CSMD1: variants seen among roughly 807,000 people sequenced by gnomAD.
CSMD1 encodes CUB and sushi domain-containing protein 1.
Under a neutral mutation model 417.5 loss-of-function variants are expected in CSMD1, and 213 were observed. The observed-to-expected ratio is 0.51, with a 90% CI of 0.46 to 0.57. The LOEUF is 0.57. Ranked by LOEUF, CSMD1 falls within the 20% of genes least tolerant of loss-of-function variation. The probability of loss-of-function intolerance (pLI) is 0.00; values close to 1 mark genes in which losing one functional copy is unlikely to be tolerated. For synonymous variants in CSMD1, 2,862 were observed against 1,736.8 expected, an observed-to-expected ratio of 1.65 and a Z score of -16.11; for missense variants, 6,923 against 4,529.7, an observed-to-expected ratio of 1.53 and a Z score of -15.17.
At chr8:4,454,390 G>A (rs745931348) in intron 2 of CSMD1, among the ~76,000 whole-genome samples, 1 of 152,088 alleles carries the variant, frequency 6.6e-6, no homozygotes, top group Non-Finnish European at 1.5e-5. Context: ...TTCAAAATTT[G>A]GCTCTGGTAT....
intron 3 of CSMD1, among the ~76,000 whole-genome samples, chr8:4,313,146 G>T (rs965422914): frequency 2.0e-5 from 3 of 152,120 alleles, no homozygotes; most frequent in African/African-American, 7.2e-5. Context: ...GAGCAAGCTG[G>T]AACTGGTCTT....
chr8:3,292,868 T>C (rs1434820896), intron 25 of CSMD1, among the ~76,000 whole-genome samples: 1 of 152,098 alleles, frequency 6.6e-6, no homozygotes, highest in African/African-American at 2.4e-5. Flanking sequence ...ATCCTGTCAT[T>C]ATGATGTTAG....
chr8:3,978,996 T>G (rs974359599), intron 5 of CSMD1, among the ~76,000 whole-genome samples: 1 of 152,176 alleles, frequency 6.6e-6, no homozygotes, highest in Non-Finnish European at 1.5e-5. Flanking sequence ...TTACAACAAT[T>G]GGAAAATCAG....
At chr8:3,315,553 C>T (rs779733759) in intron 23 of CSMD1, among the ~76,000 whole-genome samples, 2 of 151,888 alleles carry the variant, frequency 1.3e-5, no homozygotes, top group East Asian at 3.9e-4. Flanking sequence ...CTACTATTTT[C>T]ATTTAATTCA....
chr8:3,577,721 C>G (rs1298679156), intron 9 of CSMD1, among the ~76,000 whole-genome samples: 1 of 152,180 alleles, frequency 6.6e-6, no homozygotes, highest in Non-Finnish European at 1.5e-5. Flanking sequence ...AAAGCTTGTG[C>G]TACTTTCTCA....
chr8:4,908,849 T>A (rs529979665), intron 1 of CSMD1, among the ~76,000 whole-genome samples: 2 of 152,196 alleles, frequency 1.3e-5, no homozygotes, highest in Non-Finnish European at 2.9e-5. Flanking sequence ...CATACTCACT[T>A]AAAATATCTG....
At chr8:3,770,856 G>T (rs1002738359) in intron 5 of CSMD1, among the ~76,000 whole-genome samples, 2 of 152,142 alleles carry the variant, frequency 1.3e-5, no homozygotes, top group Non-Finnish European at 2.9e-5. Context: ...AAAAACAAAT[G>T]GTCCTGTAGC....
chr8:3,819,383 G>C (rs1056813571), intron 5 of CSMD1, among the ~76,000 whole-genome samples: 1 of 152,026 alleles, frequency 6.6e-6, no homozygotes, highest in Non-Finnish European at 1.5e-5. Flanking sequence ...TCTTTGTTTT[G>C]CTCCAGAAAG....
At chr8:3,805,929 T>G (rs1800710320) in intron 5 of CSMD1, among the ~76,000 whole-genome samples, 1 of 152,180 alleles carries the variant, frequency 6.6e-6, no homozygotes, top group Admixed American at 6.6e-5. Flanking sequence ...CAGAAAGCAC[T>G]GACACACCTG....
intron 3 of CSMD1, among the ~76,000 whole-genome samples, chr8:4,154,898 A>T (rs1253995193): frequency 6.6e-6 from 1 of 152,188 alleles, no homozygotes; most frequent in Non-Finnish European, 1.5e-5. Context: ...TATTTGTTGA[A>T]GTGATACATT....
In CSMD1 at chr8:4,582,906, T is replaced by G. The variant is rs563059421; in HGVS notation, c.302+54436A>C. On this transcript the variant is annotated intron_variant, in intron 2 of 69. Transcript: ENST00000635120. ...AGTTCCGGGTGGGCGTGGGCTTGGC[T>G]GGCCCCACACTCGGAGCAGCTGGCC... Among the ~76,000 whole-genome samples the G allele has an allele frequency of 7.2e-5, 11 of 152,300 alleles. No homozygotes were observed. The East Asian group carries it at 2.1e-3, about 30-fold the overall frequency.
intron 7 of CSMD1, among the ~76,000 whole-genome samples, chr8:3,633,759 A>G (rs984998962): frequency 6.6e-6 from 1 of 152,212 alleles, no homozygotes; most frequent in Non-Finnish European, 1.5e-5. Flanking sequence ...CAGCAACCCC[A>G]TAGGCATTGC....
intron 8 of CSMD1, among the ~76,000 whole-genome samples, chr8:3,598,849 G>A (rs930696683): frequency 5.3e-5 from 8 of 152,196 alleles, no homozygotes; most frequent in African/African-American, 9.6e-5. Context: ...TTGGGAGGCC[G>A]ACACAGGTGG....
In CSMD1 at chr8:3,003,851, C is replaced by T. The variant is rs150052423; in HGVS notation, c.8030-3720G>A. 4.9e-3 allele frequency among the ~76,000 whole-genome samples: 751 copies of T among 152,186 alleles called. 3 individuals carry two copies. Among genetic ancestry groups the T allele is most frequent in the African/African-American group, 0.017 (702 of 41,518 alleles). ...AAAGGTGATGGCAAGACATTCTAGCCACAGAAATTAGAAATGTTATATATT... is the reference window on the plus strand; with the variant it reads ...AAAGGTGATGGCAAGACATTCTAGCTACAGAAATTAGAAATGTTATATATT... On this transcript the variant is annotated intron_variant, in intron 52 of 69. Transcript: ENST00000635120.
At chr8:4,943,451 G>C (rs374622531) in intron 1 of CSMD1, among the ~76,000 whole-genome samples, 82 of 151,352 alleles carry the variant, frequency 5.4e-4, no homozygotes, top group African/African-American at 1.9e-3. Flanking sequence ...AGCTGAGGTC[G>C]CACCACTGCA....
At chr8:3,808,443 T>A (rs1453759111) in intron 5 of CSMD1, among the ~76,000 whole-genome samples, 1 of 152,194 alleles carries the variant, frequency 6.6e-6, no homozygotes, top group Non-Finnish European at 1.5e-5. Flanking sequence ...GAATGAGTCT[T>A]CAAAAGCTGT....
intron 3 of CSMD1, among the ~76,000 whole-genome samples, chr8:4,229,638 C>A (rs979458341): frequency 6.6e-6 from 1 of 152,166 alleles, no homozygotes; most frequent in African/African-American, 2.4e-5. Context: ...CTCCTCTTCT[C>A]CAGCTGCTTA....
intron 5 of CSMD1, among the ~76,000 whole-genome samples, chr8:3,857,785 G>T (rs750929579): frequency 1.3e-5 from 2 of 152,170 alleles, no homozygotes; most frequent in Non-Finnish European, 2.9e-5. Flanking sequence ...TGCAATGGGG[G>T]AAAAGGATAC....
chr8:4,469,930 T>G (rs1045694191), intron 2 of CSMD1, among the ~76,000 whole-genome samples: 2 of 151,088 alleles, frequency 1.3e-5, no homozygotes, highest in East Asian at 2.0e-4. Context: ...TGCAGTGGTG[T>G]GATCTCGGCT....
Sources: allele counts gnomAD v4.1 joint callset (sites outside exome capture counted in the v4.1 genomes callset), GRCh38; gene constraint gnomAD v4.1.1; transcripts MANE v1.5; gene names NCBI Gene and HGNC (gene_info 2026-07-23, HGNC 2026-07-21).